Variants in LAMA2 observed in about 807,000 individuals in gnomAD.
The protein encoded by LAMA2 is laminin subunit alpha-2.
LAMA2 carries 269 observed loss-of-function variants against 364.8 expected under a neutral mutation model. The ratio of observed to expected loss-of-function variants is 0.74; its 90% CI spans 0.67 to 0.82. LAMA2 has a LOEUF of 0.82. Ranked by LOEUF, LAMA2 falls within the 40% of genes least tolerant of loss-of-function variation. LAMA2 has a pLI of 0.00. For missense variants in LAMA2, 3,807 were observed against 3,873.2 expected (o/e 0.98, Z 0.45); for synonymous variants, 1,379 against 1,370.6 (o/e 1.01, Z -0.14).
intron 4 of LAMA2, among the ~76,000 whole-genome samples, chr6:129,133,997 A>G (rs1028978908): frequency 6.6e-6 from 1 of 152,224 alleles, no homozygotes; most frequent in African/African-American, 2.4e-5. Flanking sequence ...ATCTAATGAC[A>G]CAGGATCTGG....
chr6:129,067,726 A>G (rs1214528505), intron 3 of LAMA2, among the ~76,000 whole-genome samples: 1 of 152,188 alleles, frequency 6.6e-6, no homozygotes, highest in Non-Finnish European at 1.5e-5. Context: ...TCAGTTGCCC[A>G]GCTGGTCATC....
At position 129,492,453 on chromosome 6, in the gene LAMA2, C is replaced by CT; in HGVS notation, c.8217dup (p.Pro2740SerfsTer40). ...AGCCTGAGCCAGTTCCCACCCCAGC[C>CT]TTTCCTACGCCCACCCCAGTTCTGA... On this transcript the variant is annotated frameshift_variant, in exon 58 of 65. Transcript: ENST00000421865. LOFTEE classifies it high-confidence loss of function. The CT allele has an allele frequency of 6.2e-7, 1 of 1,614,102 alleles. No individual in the cohort carries two copies. Among genetic ancestry groups the CT allele is most frequent in the Non-Finnish European group, 8.5e-7 (1 of 1,179,964 alleles).
At chr6:129,175,326 C>G (rs1461273723) in intron 9 of LAMA2, among the ~76,000 whole-genome samples, 1 of 152,136 alleles carries the variant, frequency 6.6e-6, no homozygotes, top group Middle Eastern at 3.2e-3. Flanking sequence ...ATCTGTGAAA[C>G]AGGAAAAATA....
At position 129,443,090 on chromosome 6, in the gene LAMA2, T is replaced by A. The variant is rs757801622; in HGVS notation, c.6274+22T>A. On this transcript the variant is annotated intron_variant, in intron 44 of 64. Transcript: ENST00000421865. ...ATCAGTACGTATATGTTTACTTATATACCTTTTAGTAACGCTCATGCTTCA... is the reference window on the plus strand; with the variant it reads ...ATCAGTACGTATATGTTTACTTATAAACCTTTTAGTAACGCTCATGCTTCA... The A allele has an allele frequency of 5.1e-6, 8 of 1,570,908 alleles. No individual in the cohort carries two copies. In the South Asian group the frequency reaches 8.1e-5, roughly 16 times the overall value.
intron 1 of LAMA2, among the ~76,000 whole-genome samples, chr6:128,993,835 G>A (rs905940631): frequency 7.2e-5 from 11 of 152,010 alleles, no homozygotes; most frequent in South Asian, 2.1e-4. Context: ...AAAATTAATA[G>A]GGTTCTTAAA....
chr6:128,992,561 A>G (rs1163389207), intron 1 of LAMA2, among the ~76,000 whole-genome samples: 1 of 152,196 alleles, frequency 6.6e-6, no homozygotes, highest in African/African-American at 2.4e-5. Context: ...ATGTGATAAA[A>G]ATCTCTTTTG....
intron 12 of LAMA2, among the ~76,000 whole-genome samples, chr6:129,203,506 C>T (rs976810212): frequency 6.6e-5 from 10 of 152,188 alleles, no homozygotes; most frequent in African/African-American, 2.4e-4. Context: ...AAATAGGTCA[C>T]AGACAGTGTG....
chr6:129,336,882 C>CT (rs1775988230), intron 29 of LAMA2, among the ~76,000 whole-genome samples: 1 of 152,184 alleles, frequency 6.6e-6, no homozygotes, highest in Non-Finnish European at 1.5e-5. Flanking sequence ...TGGATGATAT[C>CT]TATCAAATAT....
At chr6:129,147,082 A>T (rs1489953267) in intron 6 of LAMA2, 34 bp downstream of exon 6, 10 of 1,322,062 alleles carry the variant, frequency 7.6e-6, no homozygotes, top group Non-Finnish European at 1.1e-5. Flanking sequence ...AGGCAAAATG[A>T]AGCCCTGAGC....
At chr6:129,026,813 T>C (rs565920305) in intron 1 of LAMA2, among the ~76,000 whole-genome samples, 1 of 152,284 alleles carries the variant, frequency 6.6e-6, no homozygotes, top group Admixed American at 6.5e-5. Flanking sequence ...TCAAGCCAGA[T>C]GTCCCTTGGC....
At chr6:129,512,725 G>T (rs1355292426) in intron 63 of LAMA2, among the ~76,000 whole-genome samples, 2 of 152,164 alleles carry the variant, frequency 1.3e-5, no homozygotes, top group East Asian at 3.8e-4. Flanking sequence ...AGCCAATCGT[G>T]TTGACTAATA....
At chr6:129,388,447 A>G (rs1284952499) in intron 35 of LAMA2, among the ~76,000 whole-genome samples, 3 of 152,176 alleles carry the variant, frequency 2.0e-5, no homozygotes, top group Admixed American at 6.5e-5. Context: ...TAAAGAAATT[A>G]TGTATGCCAT....
At chr6:129,279,932 T>C in intron 17 of LAMA2, 129 bp from the exon 18 acceptor site, 1 of 730,082 alleles carries the variant, frequency 1.4e-6, no homozygotes. Context: ...TCTCTGTCTC[T>C]GGGGTGAGAA....
chr6:129,136,312 G>T (rs1487048886), intron 4 of LAMA2, among the ~76,000 whole-genome samples: 1 of 152,058 alleles, frequency 6.6e-6, no homozygotes, highest in Non-Finnish European at 1.5e-5. Flanking sequence ...GGCTTTCTAA[G>T]AAAAAGAATC....
At chr6:129,280,320 T>C (rs1788635583) in intron 18 of LAMA2, among the ~76,000 whole-genome samples, 173 bp downstream of exon 18, 1 of 152,226 alleles carries the variant, frequency 6.6e-6, no homozygotes, top group Non-Finnish European at 1.5e-5. Context: ...TTGTAATTTA[T>C]TTATTTTTCA....
At chr6:129,437,063 CAG>C (rs1781868430) in intron 41 of LAMA2, 2 of 152,014 alleles carry the variant, frequency 1.3e-5, no homozygotes, top group African/African-American at 4.8e-5. Flanking sequence ...AGGAGGAGGA[CAG>C]GAAGAAAAGG....
intron 60 of LAMA2, 134 bp from the exon 61 acceptor site, chr6:129,505,066 G>A: frequency 2.6e-6 from 2 of 777,772 alleles, no homozygotes; most frequent in East Asian, 2.5e-5. Context: ...TATATAATGG[G>A]CTTAGCGCAT....
chr6:129,300,402 A>G (rs1044586342), intron 21 of LAMA2, among the ~76,000 whole-genome samples: 8 of 152,310 alleles, frequency 5.3e-5, no homozygotes, highest in Non-Finnish European at 1.0e-4. Context: ...ACAAAATAGT[A>G]AACTTTGTAG....
At position 129,505,348 on chromosome 6, in the gene LAMA2, T is replaced by C; in HGVS notation, c.8696T>C (p.Ile2899Thr). ...GLPINYTTRRIGPVTYSIDGC... is the reference protein window; with the variant it reads ...GLPINYTTRRTGPVTYSIDGC... ...CCCATCAACTACACTACCCGAAGAA[T>C]TGGTCCAGTAAATATCTGATTTCTT... Residue 2899 changes from isoleucine (I) to threonine (T), a missense_variant, in exon 61 of 65, where the codon ATT becomes ACT. Physicochemically the swap from Ile to Thr is moderately conservative, Grantham distance 89 (BLOSUM62 -1). Around this residue, in one of 3 missense-constraint regions of LAMA2, gnomAD observed 3,333 missense variants for 3,345.7 expected, o/e 1.00. Coordinates refer to ENST00000421865, the MANE Select transcript of LAMA2 (RefSeq NM_000426.4). 3.7e-6 allele frequency: 6 copies of C among 1,612,180 alleles called. No homozygotes were observed. The highest frequency in any genetic ancestry group is 5.1e-6 in the Non-Finnish European group (6 of 1,178,214).
Sources: allele counts gnomAD v4.1 joint callset (sites outside exome capture counted in the v4.1 genomes callset), GRCh38; gene constraint gnomAD v4.1.1; regional missense constraint gnomAD v4.1.1; transcripts MANE v1.5; gene names NCBI Gene and HGNC (gene_info 2026-07-23, HGNC 2026-07-21).